The following DPP10 variants were observed in gnomAD, a reference collection of about 807,000 sequenced individuals.
The protein encoded by DPP10 is inactive dipeptidyl peptidase 10.
In DPP10, 33 loss-of-function variants were observed where a neutral mutation model predicts 120.9. The ratio of observed to expected loss-of-function variants is 0.27; its 90% CI spans 0.21 to 0.37. The LOEUF (loss-of-function observed/expected upper bound fraction) is 0.37. DPP10 is among the 10% of genes least tolerant of loss of function. DPP10 has a pLI of 1.00. For missense variants in DPP10, 816 were observed against 942.8 expected (o/e 0.87, Z 1.76); for synonymous variants, 337 against 326.1 (o/e 1.03, Z -0.36).
chr2:114,478,625 C>T (rs960065506), intron 1 of DPP10, among the ~76,000 whole-genome samples: 2 of 151,954 alleles, frequency 1.3e-5, no homozygotes, highest in Non-Finnish European at 2.9e-5. Flanking sequence ...AGAAGGCATA[C>T]AAATTGTAAA....
chr2:114,629,111 A>T (rs2105365248), intron 1 of DPP10, among the ~76,000 whole-genome samples: 1 of 152,268 alleles, frequency 6.6e-6, no homozygotes, highest in South Asian at 2.1e-4. Flanking sequence ...TGCGCAGCCA[A>T]ATTTGTGAAT....
chr2:114,452,866 T>C (rs1041199682), intron 1 of DPP10, among the ~76,000 whole-genome samples: 1 of 152,200 alleles, frequency 6.6e-6, no homozygotes, highest in Non-Finnish European at 1.5e-5. Context: ...TTACATGGTT[T>C]CTTCAGTTCC....
At chr2:115,508,293 A>G (rs912693593) in intron 4 of DPP10, among the ~76,000 whole-genome samples, 5 of 152,146 alleles carry the variant, frequency 3.3e-5, no homozygotes, top group African/African-American at 1.2e-4. Flanking sequence ...AATATTTTAT[A>G]TGCTTTTTCT....
At chr2:114,895,621 C>T (rs1692900691) in intron 1 of DPP10, among the ~76,000 whole-genome samples, 2 of 152,146 alleles carry the variant, frequency 1.3e-5, no homozygotes, top group Admixed American at 1.3e-4. Flanking sequence ...TGAACAGCCT[C>T]CACTTCCCAA....
chr2:114,556,901 C>T (rs147173107), intron 1 of DPP10, among the ~76,000 whole-genome samples: 1 of 151,690 alleles, frequency 6.6e-6, no homozygotes, highest in South Asian at 2.1e-4. Flanking sequence ...ATACAGTTAC[C>T]GATTACCTTT....
At chr2:114,861,956 A>G (rs1689840193) in intron 1 of DPP10, among the ~76,000 whole-genome samples, 2 of 152,206 alleles carry the variant, frequency 1.3e-5, no homozygotes, top group Admixed American at 1.3e-4. Context: ...AAAACAAAAC[A>G]ATGAGTGAAT....
chr2:114,889,452 T>C (rs2106632217), intron 1 of DPP10, among the ~76,000 whole-genome samples: 1 of 149,540 alleles, frequency 6.7e-6, no homozygotes, highest in Middle Eastern at 3.5e-3. Flanking sequence ...ATATTGCTAA[T>C]GGTAAAACTA....
intron 1 of DPP10, among the ~76,000 whole-genome samples, chr2:115,246,471 C>G (rs994866804): frequency 6.6e-6 from 1 of 152,078 alleles, no homozygotes; most frequent in South Asian, 2.1e-4. Context: ...AAGTAGAGGT[C>G]TTTCTGAGAA....
chr2:115,281,099 A>G (rs1261617895), intron 1 of DPP10, among the ~76,000 whole-genome samples: 1 of 152,176 alleles, frequency 6.6e-6, no homozygotes, highest in Non-Finnish European at 1.5e-5. Context: ...GCTTCTAAAC[A>G]GATTTCTATT....
chr2:115,525,127 A>G (rs2148894466), intron 4 of DPP10, among the ~76,000 whole-genome samples: 1 of 152,234 alleles, frequency 6.6e-6, no homozygotes, highest in Middle Eastern at 3.4e-3. Flanking sequence ...TATGCTTAAA[A>G]TTTTATACTA....
chr2:114,458,740 A>T (rs183239174), intron 1 of DPP10, among the ~76,000 whole-genome samples: 70 of 152,318 alleles, frequency 4.6e-4, no homozygotes, highest in African/African-American at 1.5e-3. Flanking sequence ...AAGTATTTTT[A>T]AAAATAATAA....
intron 1 of DPP10, among the ~76,000 whole-genome samples, chr2:114,447,629 A>T (rs1678018820): frequency 6.6e-6 from 1 of 152,186 alleles, no homozygotes; most frequent in Non-Finnish European, 1.5e-5. Context: ...ACTCATAAGA[A>T]TACATAAAAA....
rs927776377 is a variant in DPP10 at position 114,743,266 on chromosome 2, G to A, written c.60+300428G>A. Among the ~76,000 whole-genome samples the A allele has an allele frequency of 2.1e-4, 32 of 152,194 alleles. 1 individual carries two copies. Among genetic ancestry groups the A allele is most frequent in the Admixed American group, 1.6e-3 (24 of 15,280 alleles). On this transcript the variant is annotated intron_variant, in intron 1 of 25. Coordinates refer to ENST00000410059, the MANE Select transcript of DPP10 (RefSeq NM_020868.6). ...TGGTGTTCAAGAGTACATCTTTTGGGATTATGATTCAAATCCTGATTCCCC... is the reference window on the plus strand; with the variant it reads ...TGGTGTTCAAGAGTACATCTTTTGGAATTATGATTCAAATCCTGATTCCCC...
chr2:115,007,707 C>G (rs1701958757), intron 1 of DPP10, among the ~76,000 whole-genome samples: 1 of 151,752 alleles, frequency 6.6e-6, no homozygotes, highest in Non-Finnish European at 1.5e-5. Flanking sequence ...TCTCCTTAAG[C>G]TGATAAGCAA....
At chr2:115,745,289 C>G (rs909964333) in intron 9 of DPP10, among the ~76,000 whole-genome samples, 1 of 150,576 alleles carries the variant, frequency 6.6e-6, no homozygotes, top group East Asian at 1.9e-4. Context: ...TTATATCTTA[C>G]GACTGTAGTA....
intron 1 of DPP10, among the ~76,000 whole-genome samples, chr2:115,305,953 G>A (rs958642070): frequency 4.6e-5 from 7 of 151,954 alleles, no homozygotes. Context: ...CAAGTATATT[G>A]AGGGAGAACA....
intron 1 of DPP10, among the ~76,000 whole-genome samples, chr2:114,783,474 C>T (rs1297553523): frequency 6.6e-6 from 1 of 152,086 alleles, no homozygotes; most frequent in Non-Finnish European, 1.5e-5. Flanking sequence ...AGACAGGAAA[C>T]AGTTATTAAA....
chr2:114,669,819 A>T (rs916552235), intron 1 of DPP10, among the ~76,000 whole-genome samples: 33 of 151,916 alleles, frequency 2.2e-4, no homozygotes, highest in Non-Finnish European at 4.6e-4. Flanking sequence ...AATTTAAGTC[A>T]CCTCCTTTCA....
intron 3 of DPP10, among the ~76,000 whole-genome samples, chr2:115,415,725 G>A (rs1320447212): frequency 1.3e-5 from 2 of 151,150 alleles, no homozygotes; most frequent in African/African-American, 4.9e-5. Flanking sequence ...ATATATGCAT[G>A]CCTGCCATAA....
Sources: gnomAD v4.1 joint callset for allele counts (sites outside exome capture counted in the v4.1 genomes callset) on GRCh38, gnomAD v4.1.1 for gene constraint, MANE v1.5 for transcripts, NCBI Gene and HGNC (gene_info 2026-07-23, HGNC 2026-07-21) for gene names.